Variants in SNX13 observed in about 807,000 individuals in gnomAD.
SNX13 encodes the protein sorting nexin 13.
A neutral mutation model predicts 133.6 loss-of-function variants in SNX13; 45 were observed. That is an observed-to-expected ratio of 0.34 (90% CI 0.27 to 0.43). The LOEUF is 0.43. Ranked by LOEUF, SNX13 falls within the 20% of genes least tolerant of loss-of-function variation. The pLI is 1.00. For missense variants in SNX13, 1,032 were observed against 1,145.1 expected (o/e 0.90, Z 1.43); for synonymous variants, 414 against 373.9 (o/e 1.11, Z -1.24).
At chr7:17,810,985 G>A (rs923079594) in intron 20 of SNX13, among the ~76,000 whole-genome samples, 2 of 152,050 alleles carry the variant, frequency 1.3e-5, no homozygotes, top group African/African-American at 4.8e-5. Context: ...AATAAACTAG[G>A]TATCAATGGA....
intron 20 of SNX13, among the ~76,000 whole-genome samples, chr7:17,806,753 T>C (rs1166802096): frequency 6.6e-6 from 1 of 151,914 alleles, no homozygotes; most frequent in African/African-American, 2.4e-5. Flanking sequence ...CCAACTGAGG[T>C]ACCCAGCTCA....
intron 1 of SNX13, among the ~76,000 whole-genome samples, chr7:17,912,797 T>C (rs1378589728): frequency 6.6e-6 from 1 of 152,130 alleles, no homozygotes; most frequent in Non-Finnish European, 1.5e-5. Context: ...GGCATTTTAG[T>C]CTCAGGCCAG....
chr7:17,868,292 C>T (rs1392404775), intron 9 of SNX13, 115 bp downstream of exon 9: 5 of 755,332 alleles, frequency 6.6e-6, no homozygotes, highest in Non-Finnish European at 1.1e-5. Context: ...ACTTCAGAAA[C>T]ATTTTTACTT....
At chr7:17,930,517 T>C (rs188178587) in intron 1 of SNX13, among the ~76,000 whole-genome samples, 13 of 152,328 alleles carry the variant, frequency 8.5e-5, no homozygotes, top group South Asian at 6.2e-4. Context: ...TATTATATGA[T>C]TGAATATTCT....
At chr7:17,836,834 A>G (rs981369695) in intron 13 of SNX13, among the ~76,000 whole-genome samples, 3 of 152,112 alleles carry the variant, frequency 2.0e-5, no homozygotes, top group African/African-American at 7.2e-5. Context: ...TTTTTAAAAG[A>G]CAAATGTACA....
At chr7:17,803,932 C>T (rs956097899) in intron 20 of SNX13, among the ~76,000 whole-genome samples, 1 of 150,406 alleles carries the variant, frequency 6.6e-6, no homozygotes, top group Non-Finnish European at 1.5e-5. Context: ...TGGTACACAC[C>T]TGTGGTCCTA....
At chr7:17,855,340 T>G (rs749015454) in intron 9 of SNX13, among the ~76,000 whole-genome samples, 2 of 152,214 alleles carry the variant, frequency 1.3e-5, no homozygotes, top group Non-Finnish European at 2.9e-5. Context: ...TCTAGATCAC[T>G]GATAATGATG....
intron 8 of SNX13, among the ~76,000 whole-genome samples, chr7:17,870,292 T>C (rs1793933071): frequency 1.3e-5 from 2 of 152,206 alleles, no homozygotes; most frequent in South Asian, 2.1e-4. Flanking sequence ...TTACACAATC[T>C]ATACAAAGTA....
At chr7:17,850,987 C>T in intron 9 of SNX13, 23 bp from the exon 10 acceptor site, 1 of 1,585,252 alleles carries the variant, frequency 6.3e-7, no homozygotes, top group Non-Finnish European at 8.6e-7. Flanking sequence ...TTAAGAAAAA[C>T]AGGTGGGAGA....
intron 1 of SNX13, among the ~76,000 whole-genome samples, chr7:17,918,921 T>A (rs1052785845): frequency 3.3e-5 from 5 of 152,248 alleles, no homozygotes; most frequent in African/African-American, 1.2e-4. Context: ...CAAAAGAGAA[T>A]GAAATCATGT....
At chr7:17,937,021 A>T (rs1802139713) in intron 1 of SNX13, among the ~76,000 whole-genome samples, 3 of 120,880 alleles carry the variant, frequency 2.5e-5, no homozygotes, top group Admixed American at 1.7e-4. Context: ...AAAATAAAAT[A>T]AAAAAAAAAA....
At chr7:17,814,780 A>G (rs1786459560) in intron 20 of SNX13, 54 bp downstream of exon 20, 2 of 1,344,450 alleles carry the variant, frequency 1.5e-6, no homozygotes, top group Admixed American at 7.0e-5. Flanking sequence ...TATTACAAAC[A>G]AAGTAAGAAA....
intron 5 of SNX13, chr7:17,888,925 G>A (rs778617401): frequency 1.5e-5 from 4 of 275,366 alleles, no homozygotes; most frequent in Admixed American, 1.0e-4. Flanking sequence ...CAAGTTTTCA[G>A]ATTACTAGTT....
chr7:17,819,308 C>A (rs1284015141), intron 18 of SNX13, among the ~76,000 whole-genome samples: 1 of 152,004 alleles, frequency 6.6e-6, no homozygotes, highest in East Asian at 1.9e-4. Context: ...GTGCTGAGAT[C>A]TCAGCTCACT....
In SNX13 at chr7:17,839,193, T is replaced by G. The variant is rs189744803; in HGVS notation, c.1359+614A>C. On this transcript the variant is annotated intron_variant, in intron 13 of 25. Coordinates refer to ENST00000428135, the MANE Select transcript of SNX13 (RefSeq NM_015132.5). ...CTATAGACGCTATAGATTATATATA[T>G]TCTATAGAATTATAGTGTATTACAT... Among the ~76,000 whole-genome samples, 276 of 149,366 alleles carry G rather than the reference T, an allele frequency of 1.8e-3. 7 individuals are homozygous for G. The highest frequency in any genetic ancestry group is 0.017 in the Admixed American group (257 of 14,900).
At chr7:17,913,637 C>T (rs1438480202) in intron 1 of SNX13, among the ~76,000 whole-genome samples, 1 of 151,936 alleles carries the variant, frequency 6.6e-6, no homozygotes, top group Non-Finnish European at 1.5e-5. Flanking sequence ...AGCCTTGGCC[C>T]TCTGAAAGCA....
intron 1 of SNX13, among the ~76,000 whole-genome samples, chr7:17,923,565 G>T (rs1800377021): frequency 6.6e-6 from 1 of 152,000 alleles, no homozygotes; most frequent in South Asian, 2.1e-4. Flanking sequence ...AGCCCAGTAG[G>T]GATCTCCAAA....
chr7:17,914,078 A>T (rs929638368), intron 1 of SNX13, among the ~76,000 whole-genome samples: 1 of 151,744 alleles, frequency 6.6e-6, no homozygotes, highest in Non-Finnish European at 1.5e-5. Flanking sequence ...GAATTGAAAA[A>T]TTTCAAAATA....
At chr7:17,825,211 GATCT>G (rs1248621016) in intron 17 of SNX13, among the ~76,000 whole-genome samples, 1 of 151,692 alleles carries the variant, frequency 6.6e-6, no homozygotes, top group East Asian at 1.9e-4. Flanking sequence ...AGGAAATGAA[GATCT>G]ATTTTAAAAA....
Sources: gnomAD v4.1 joint callset for allele counts (sites outside exome capture counted in the v4.1 genomes callset) on GRCh38, gnomAD v4.1.1 for gene constraint, MANE v1.5 for transcripts, NCBI Gene and HGNC (gene_info 2026-07-23, HGNC 2026-07-21) for gene names.